Variants in STAU1 observed in about 807,000 individuals in gnomAD.
The protein encoded by STAU1 is double-stranded RNA-binding protein Staufen homolog 1.
STAU1 carries 13 observed loss-of-function variants against 62.9 expected under a neutral mutation model. The observed-to-expected ratio is 0.21, with a 90% CI of 0.13 to 0.33. The LOEUF (loss-of-function observed/expected upper bound fraction) is 0.33, where lower values mean the gene tolerates loss of function less well. Among genes scored for constraint, STAU1 ranks in the 10% least tolerant of loss-of-function variants. The pLI, the probability that STAU1 is intolerant of heterozygous loss-of-function variation, is 1.00. For missense variants in STAU1, 571 were observed against 712.1 expected, an observed-to-expected ratio of 0.80 and a Z score of 2.25; for synonymous variants, 269 against 265.1, an observed-to-expected ratio of 1.01 and a Z score of -0.14.
chr20:49,199,145 C>A, the STAU1 span, among the ~76,000 whole-genome samples: 27 of 151,750 alleles, frequency 1.8e-4, 1 homozygote, highest in Admixed American at 1.8e-3. Context: ...GACTCCATCT[C>A]GAAACAAAAC....
chr20:49,192,345 C>CAAAAAAAAAA (rs575816817), upstream of STAU1, among the ~76,000 whole-genome samples: 1 of 67,614 alleles, frequency 1.5e-5, no homozygotes, highest in Non-Finnish European at 2.9e-5. Context: ...GACTCCATCT[C>CAAAAAAAAAA]AAAAAAAAAA....
At chr20:49,151,033 C>T (rs924138867) in intron 5 of STAU1, among the ~76,000 whole-genome samples, 1 of 152,098 alleles carries the variant, frequency 6.6e-6, no homozygotes. Context: ...CTGTGTGGAA[C>T]GAAGACAAGC....
chr20:49,153,604 G>A (rs551551834), intron 4 of STAU1, among the ~76,000 whole-genome samples: 2 of 148,970 alleles, frequency 1.3e-5, no homozygotes, highest in African/African-American at 2.5e-5. Context: ...CCAGCTATTC[G>A]GGAGGCTGAG....
At chr20:49,173,457 G>GA in intron 2 of STAU1, among the ~76,000 whole-genome samples, 1 of 152,260 alleles carries the variant, frequency 6.6e-6, no homozygotes, top group Middle Eastern at 3.4e-3. Context: ...GTTTCAGAAA[G>GA]AAAGAAAAGA....
At chr20:49,175,648 TTTTTTA>T (rs1248982218) in intron 1 of STAU1, among the ~76,000 whole-genome samples, 2 of 150,802 alleles carry the variant, frequency 1.3e-5, no homozygotes, top group Admixed American at 6.6e-5. Flanking sequence ...CCTGGCTAAT[TTTTTTA>T]TTTTTATTTT....
chr20:49,136,202 G>A (rs557336010), intron 5 of STAU1, among the ~76,000 whole-genome samples: 1 of 152,196 alleles, frequency 6.6e-6, no homozygotes, highest in South Asian at 2.1e-4. Flanking sequence ...TTGGAGGGCT[G>A]AGGCAGGAGC....
intron 3 of STAU1, among the ~76,000 whole-genome samples, chr20:49,163,308 T>C (rs1448733798): frequency 6.6e-6 from 1 of 152,198 alleles, no homozygotes; most frequent in Non-Finnish European, 1.5e-5. Flanking sequence ...TCCCTTTTTT[T>C]TTCTAGTCAG....
At chr20:49,184,850 A>G (rs1320214396) in intron 1 of STAU1, among the ~76,000 whole-genome samples, 3 of 152,158 alleles carry the variant, frequency 2.0e-5, no homozygotes, top group Non-Finnish European at 2.9e-5. Flanking sequence ...TTTCCACTGT[A>G]CCTGATCAAG....
chr20:49,115,711 A>T, intron 13 of STAU1, 71 bp downstream of exon 13: 1 of 1,276,366 alleles, frequency 7.8e-7, no homozygotes, highest in Non-Finnish European at 1.1e-6. Context: ...GTCAGCAGAT[A>T]GTGTAAACTC....
intron 6 of STAU1, among the ~76,000 whole-genome samples, chr20:49,126,814 T>C (rs1169290583): frequency 6.6e-6 from 1 of 151,528 alleles, no homozygotes; most frequent in Non-Finnish European, 1.5e-5. Flanking sequence ...ATTAAAAATC[T>C]CTTAAAAAAA....
intron 5 of STAU1, among the ~76,000 whole-genome samples, chr20:49,145,761 G>A (rs563752441): frequency 6.6e-6 from 1 of 152,012 alleles, no homozygotes; most frequent in East Asian, 1.9e-4. Context: ...CCTGAGCCAG[G>A]CACAAGCATG....
At chr20:49,206,739 ATATATATATATATT>A in the STAU1 span, among the ~76,000 whole-genome samples, 14 of 131,826 alleles carry the variant, frequency 1.1e-4, no homozygotes, top group African/African-American at 4.3e-4. Context: ...ATATATATAT[ATATATATATATATT>A]TTATTTTATT....
chr20:49,116,004 A>C, intron 12 of STAU1, 137 bp from the exon 13 acceptor site: 1 of 622,076 alleles, frequency 1.6e-6, no homozygotes, highest in Non-Finnish European at 2.9e-6. Flanking sequence ...ACTACTAAAT[A>C]AAACTTTGAA....
intron 5 of STAU1, among the ~76,000 whole-genome samples, chr20:49,137,101 C>G (rs1191435227): frequency 6.6e-6 from 1 of 152,136 alleles, no homozygotes; most frequent in Non-Finnish European, 1.5e-5. Flanking sequence ...TAGTTCAAGG[C>G]TACAGTGAGC....
At chr20:49,130,776 G>A (rs58779337) in intron 6 of STAU1, among the ~76,000 whole-genome samples, 2,630 of 152,140 alleles carry the variant, frequency 0.017, 79 homozygotes, top group African/African-American at 0.06. Flanking sequence ...GGTGGCTCAC[G>A]CCTGTAATCC....
the STAU1 span, among the ~76,000 whole-genome samples, chr20:49,216,119 G>A: frequency 6.6e-6 from 1 of 151,498 alleles, no homozygotes; most frequent in African/African-American, 2.4e-5. Flanking sequence ...GCTGGGTGCA[G>A]TGGCCCACAC....
intron 1 of STAU1, among the ~76,000 whole-genome samples, chr20:49,183,157 AT>A (rs2093746982): frequency 6.6e-6 from 1 of 152,226 alleles, no homozygotes. Context: ...AAATGTCTCC[AT>A]CACCAGAAGT....
the STAU1 span, among the ~76,000 whole-genome samples, chr20:49,211,971 T>C: frequency 0.09 from 13,752 of 152,302 alleles, 763 homozygotes; most frequent in African/African-American, 0.17. Flanking sequence ...AAAATGTTCA[T>C]ATCTTCATGA....
At chr20:49,181,296 A>G (rs1201357323) in intron 1 of STAU1, among the ~76,000 whole-genome samples, 2 of 152,204 alleles carry the variant, frequency 1.3e-5, no homozygotes, top group Non-Finnish European at 2.9e-5. Context: ...ACATGGTAAG[A>G]GCTCAATAGC....
Sources: gnomAD v4.1 joint callset for allele counts (sites outside exome capture counted in the v4.1 genomes callset) on GRCh38, gnomAD v4.1.1 for gene constraint, MANE v1.5 for transcripts, NCBI Gene and HGNC (gene_info 2026-07-23, HGNC 2026-07-21) for gene names.